Variants in NKAIN2 observed in about 807,000 individuals in gnomAD.
NKAIN2 encodes sodium/potassium transporting ATPase interacting 2, also known as sodium/potassium-transporting ATPase subunit beta-1-interacting protein 2.
NKAIN2 carries 14 observed loss-of-function variants against 32.6 expected under a neutral mutation model. The ratio of observed to expected loss-of-function variants is 0.43; its 90% CI spans 0.28 to 0.67. The LOEUF is 0.67. Among genes scored for constraint, NKAIN2 ranks in the 30% least tolerant of loss-of-function variants. NKAIN2 has a pLI of 0.17. For missense variants in NKAIN2, 198 were observed against 258.3 expected (o/e 0.77, Z 1.60); for synonymous variants, 80 against 87.2 (o/e 0.92, Z 0.46).
At chr6:124,726,804 T>G (rs1421244192) in intron 4 of NKAIN2, among the ~76,000 whole-genome samples, 3 of 136,544 alleles carry the variant, frequency 2.2e-5, no homozygotes, top group Non-Finnish European at 4.7e-5. Flanking sequence ...AGTTGAAAAC[T>G]TTGAAAAAAA....
intron 1 of NKAIN2, among the ~76,000 whole-genome samples, chr6:124,238,053 G>C (rs1304843475): frequency 6.6e-6 from 1 of 152,040 alleles, no homozygotes; most frequent in Non-Finnish European, 1.5e-5. Context: ...GAGAGTTGAA[G>C]CTGTGGAATA....
chr6:124,649,497 G>A (rs1455988785), intron 3 of NKAIN2, among the ~76,000 whole-genome samples: 1 of 152,148 alleles, frequency 6.6e-6, no homozygotes. Flanking sequence ...GAAAGCACCA[G>A]ACCTAGATAG....
At chr6:124,171,598 C>G (rs1788865219) in intron 1 of NKAIN2, among the ~76,000 whole-genome samples, 1 of 123,240 alleles carries the variant, frequency 8.1e-6, no homozygotes, top group Admixed American at 1.1e-4. Flanking sequence ...GTTGCCCAGG[C>G]TGGAGTGCAG....
At chr6:123,890,204 T>G (rs1421075959) in intron 1 of NKAIN2, among the ~76,000 whole-genome samples, 5 of 152,098 alleles carry the variant, frequency 3.3e-5, no homozygotes, top group Admixed American at 2.6e-4. Context: ...GCATTCATTA[T>G]ATCATCAAAG....
chr6:123,851,210 C>T (rs1775327995), intron 1 of NKAIN2, among the ~76,000 whole-genome samples: 1 of 147,462 alleles, frequency 6.8e-6, no homozygotes, highest in African/African-American at 2.5e-5. Flanking sequence ...GATATATACT[C>T]AGTAGGGGGA....
chr6:124,771,217 T>G (rs2114759577), intron 4 of NKAIN2, among the ~76,000 whole-genome samples: 1 of 152,298 alleles, frequency 6.6e-6, no homozygotes, highest in Admixed American at 6.5e-5. Context: ...CAAAAAGTGT[T>G]GTGGATATGT....
At chr6:124,798,081 ATCT>A (rs1780091908) in intron 5 of NKAIN2, among the ~76,000 whole-genome samples, 2 of 150,090 alleles carry the variant, frequency 1.3e-5, no homozygotes, top group African/African-American at 4.9e-5. Context: ...CTATCTATCT[ATCT>A]ATCTATCTAT....
intron 4 of NKAIN2, among the ~76,000 whole-genome samples, chr6:124,682,795 TTTTTA>T (rs1452979026): frequency 3.3e-5 from 5 of 152,216 alleles, no homozygotes; most frequent in African/African-American, 1.2e-4. Flanking sequence ...CAACGTCTTT[TTTTTA>T]TTTTGTGAGT....
chr6:124,239,375 C>T (rs1021827111), intron 1 of NKAIN2, among the ~76,000 whole-genome samples: 6 of 152,104 alleles, frequency 3.9e-5, no homozygotes, highest in African/African-American at 1.4e-4. Flanking sequence ...GAGTTGAATT[C>T]AGTTCTGAAC....
rs1210262911 is a variant in NKAIN2, at chr6:124,508,496, AT to A, written c.274-149689del. 1.1e-4 allele frequency among the ~76,000 whole-genome samples: 6 copies of A among 55,752 alleles called. No individual in the cohort carries two copies. The East Asian group carries it at 3.1e-3, about 29-fold the overall frequency. The allele number at this position is 55,752 out of a possible 152,430, so 36.6% of individuals were successfully genotyped here. ...AGTAGCTGGGACTACAGGCGCCACC[AT>A]GCCCGGCTAATTTTTTTTTGTATTT... On this transcript the variant is annotated intron_variant, in intron 3 of 6. Coordinates refer to ENST00000368417, the MANE Select transcript of NKAIN2 (RefSeq NM_001040214.3).
chr6:124,626,068 T>TATC (rs1336212354), intron 3 of NKAIN2, among the ~76,000 whole-genome samples: 24 of 149,362 alleles, frequency 1.6e-4, no homozygotes, highest in Non-Finnish European at 2.4e-4. Context: ...GCATTAGGTA[T>TATC]ATCTCCTAAT....
chr6:124,740,435 T>C (rs1017060463), intron 4 of NKAIN2, among the ~76,000 whole-genome samples: 6 of 108,552 alleles, frequency 5.5e-5, no homozygotes, highest in East Asian at 2.9e-4. Context: ...TATATATATA[T>C]ACACATATAC....
chr6:124,609,077 A>G (rs1782598801), intron 3 of NKAIN2, among the ~76,000 whole-genome samples: 1 of 152,172 alleles, frequency 6.6e-6, no homozygotes, highest in African/African-American at 2.4e-5. Context: ...GAACATAGGA[A>G]TTGTTCAGGG....
At chr6:124,348,299 G>A in intron 2 of NKAIN2, among the ~76,000 whole-genome samples, 1 of 152,280 alleles carries the variant, frequency 6.6e-6, no homozygotes, top group South Asian at 2.1e-4. Context: ...GCCCACTTGA[G>A]GAGGCAGTCT....
intron 1 of NKAIN2, among the ~76,000 whole-genome samples, chr6:123,925,808 A>G (rs1775979721): frequency 6.6e-6 from 1 of 152,322 alleles, no homozygotes; most frequent in East Asian, 1.9e-4. Context: ...CTCTTCTTCC[A>G]AGACCTGGCA....
chr6:124,144,741 G>A (rs184436742), intron 1 of NKAIN2, among the ~76,000 whole-genome samples: 31 of 152,100 alleles, frequency 2.0e-4, no homozygotes, highest in African/African-American at 7.2e-4. Flanking sequence ...ATTTAGGCTT[G>A]GCACTAAAAG....
intron 3 of NKAIN2, among the ~76,000 whole-genome samples, chr6:124,648,114 A>C (rs1018579441): frequency 6.6e-6 from 1 of 152,200 alleles, no homozygotes; most frequent in Non-Finnish European, 1.5e-5. Flanking sequence ...CCACTGCAGA[A>C]GAGAGACAGA....
chr6:124,533,001 G>A (rs749403676), intron 3 of NKAIN2, among the ~76,000 whole-genome samples: 1 of 152,138 alleles, frequency 6.6e-6, no homozygotes, highest in Non-Finnish European at 1.5e-5. Flanking sequence ...TGTGCTCAGG[G>A]TGGGGTTAGT....
intron 3 of NKAIN2, among the ~76,000 whole-genome samples, chr6:124,361,865 T>C (rs886904501): frequency 6.6e-6 from 1 of 152,106 alleles, no homozygotes; most frequent in African/African-American, 2.4e-5. Flanking sequence ...ACAATGTCAG[T>C]TTTATTTCTT....
Sources: allele counts gnomAD v4.1 joint callset (sites outside exome capture counted in the v4.1 genomes callset), GRCh38; gene constraint gnomAD v4.1.1; transcripts MANE v1.5; gene names NCBI Gene and HGNC (gene_info 2026-07-23, HGNC 2026-07-21).